The following ZSWIM6 variants were observed in gnomAD, a reference collection of about 807,000 sequenced individuals.
ZSWIM6 encodes the protein zinc finger SWIM-type containing 6.
Under a neutral mutation model 113.2 loss-of-function variants are expected in ZSWIM6, and 9 were observed. The ratio of observed to expected loss-of-function variants is 0.08; its 90% CI spans 0.05 to 0.14. ZSWIM6 has a LOEUF of 0.14. ZSWIM6 is among the 10% of genes least tolerant of loss of function. The pLI is 1.00. For synonymous variants in ZSWIM6, 611 were observed against 606.5 expected, an observed-to-expected ratio of 1.01 and a Z score of -0.11; for missense variants, 1,162 against 1,552.2, an observed-to-expected ratio of 0.75 and a Z score of 4.22.
At chr5:61,431,636 TCGGGAGGC>T (rs1746583665) in intron 1 of ZSWIM6, among the ~76,000 whole-genome samples, 1 of 107,708 alleles carries the variant, frequency 9.3e-6, no homozygotes, top group African/African-American at 4.0e-5. Flanking sequence ...TCCCAGCTAC[TCGGGAGGC>T]TGAGGCAGGA....
In ZSWIM6 at chr5:61,361,837, T is replaced by C. The variant is rs551839908; in HGVS notation, c.676+28889T>C. Reference sequence around the variant, plus strand: ...CTATTATCCTTTCCTCACAGGAAATTTAGTGTGAAATTTGCAAGAAGATCG... The same window carrying C: ...CTATTATCCTTTCCTCACAGGAAATCTAGTGTGAAATTTGCAAGAAGATCG... On this transcript the variant is annotated intron_variant, in intron 1 of 13. Transcript: ENST00000252744. Among the ~76,000 whole-genome samples the C allele has an allele frequency of 2.0e-5, 3 of 152,338 alleles. No homozygotes were observed. The South Asian group carries it at 6.2e-4, about 32-fold the overall frequency.
At chr5:61,452,957 A>G (rs1747116518) in intron 1 of ZSWIM6, among the ~76,000 whole-genome samples, 1 of 152,184 alleles carries the variant, frequency 6.6e-6, no homozygotes, top group African/African-American at 2.4e-5. Context: ...AGGACCCTCA[A>G]TTTGAGTTGT....
At chr5:61,508,237 C>T (rs117005843) in intron 4 of ZSWIM6, among the ~76,000 whole-genome samples, 2 of 151,798 alleles carry the variant, frequency 1.3e-5, no homozygotes, top group African/African-American at 4.8e-5. Context: ...AGTATGTTAG[C>T]GGAATTAAGT....
intron 1 of ZSWIM6, chr5:61,391,412 T>G (rs1010174669): frequency 2.1e-6 from 2 of 966,790 alleles, no homozygotes; most frequent in East Asian, 2.4e-5. Context: ...CGGTACTTCT[T>G]CATGCTGCTG....
intron 9 of ZSWIM6, among the ~76,000 whole-genome samples, chr5:61,532,252 G>T (rs1183978943): frequency 6.6e-6 from 1 of 152,154 alleles, no homozygotes; most frequent in Non-Finnish European, 1.5e-5. Flanking sequence ...GGATTCATTA[G>T]GCACAGATTC....
rs1487309974 is a variant in ZSWIM6, at chr5:61,543,569, A to G, written c.2900A>G (p.His967Arg). The G allele has an allele frequency of 6.4e-7, 1 of 1,551,702 alleles. No individual in the cohort carries two copies. The highest frequency in any genetic ancestry group is 8.7e-7 in the Non-Finnish European group (1 of 1,147,024). ...TCCAACAGCACCATCGTCCGCCTCC[A>G]CCTGGACTGCCACCAGCAGGAAAAG... ...VMSNSTIVRLHLDCHQQEKLA... is the reference protein window; with the variant it reads ...VMSNSTIVRLRLDCHQQEKLA... The change falls in exon 14 of 14, where the codon CAC becomes CGC. Residue 967 changes from histidine (H) to arginine (R), a missense_variant. His to Arg is a conservative substitution (Grantham distance 29). Coordinates refer to ENST00000252744, the MANE Select transcript of ZSWIM6 (RefSeq NM_020928.2). This position sits in a 1 kb window ranked among gnomAD's most constrained non-coding sequence, Gnocchi z 4.3.
At chr5:61,454,109 AT>A (rs1747146917) in intron 1 of ZSWIM6, among the ~76,000 whole-genome samples, 1 of 151,724 alleles carries the variant, frequency 6.6e-6, no homozygotes, top group Non-Finnish European at 1.5e-5. Flanking sequence ...ATAAATGCTT[AT>A]TTTATTCTTT....
At chr5:61,335,244 C>T (rs1222072787) in intron 1 of ZSWIM6, among the ~76,000 whole-genome samples, 1 of 152,226 alleles carries the variant, frequency 6.6e-6, no homozygotes, top group Non-Finnish European at 1.5e-5. Flanking sequence ...AAGAGTTGAC[C>T]ACCACTTCAG....
At chr5:61,468,550 A>G (rs1747489221) in intron 1 of ZSWIM6, among the ~76,000 whole-genome samples, 1 of 152,222 alleles carries the variant, frequency 6.6e-6, no homozygotes, top group Admixed American at 6.5e-5. Flanking sequence ...TCCTAGAGGA[A>G]GATTCTGCAT....
intron 2 of ZSWIM6, among the ~76,000 whole-genome samples, chr5:61,474,632 C>T (rs1278487077): frequency 6.6e-6 from 1 of 152,130 alleles, no homozygotes; most frequent in Non-Finnish European, 1.5e-5. Flanking sequence ...CACTAGTAGC[C>T]ACACTGCAAG....
intron 1 of ZSWIM6, among the ~76,000 whole-genome samples, chr5:61,398,142 C>T (rs2112099695): frequency 6.6e-6 from 1 of 152,252 alleles, no homozygotes; most frequent in African/African-American, 2.4e-5. Context: ...GTCCCCAACC[C>T]CTGGGGCCAT....
At chr5:61,415,041 A>T (rs570146391) in intron 1 of ZSWIM6, among the ~76,000 whole-genome samples, 1 of 152,320 alleles carries the variant, frequency 6.6e-6, no homozygotes, top group Admixed American at 6.5e-5. Context: ...GCTCGAGGAT[A>T]CACAGCCAGC....
chr5:61,407,611 C>T (rs1746070208), intron 1 of ZSWIM6, among the ~76,000 whole-genome samples: 1 of 151,922 alleles, frequency 6.6e-6, no homozygotes, highest in African/African-American at 2.4e-5. Context: ...CACTGCTTTT[C>T]GAAAAACATA....
At chr5:61,341,296 G>A (rs1445170664) in intron 1 of ZSWIM6, among the ~76,000 whole-genome samples, 1 of 152,186 alleles carries the variant, frequency 6.6e-6, no homozygotes, top group Non-Finnish European at 1.5e-5. Context: ...TGCTGGGACA[G>A]GCTCTGGCCA....
intron 4 of ZSWIM6, among the ~76,000 whole-genome samples, chr5:61,510,572 C>T (rs1748757512): frequency 6.6e-6 from 1 of 151,682 alleles, no homozygotes. Context: ...GTTACAGTGC[C>T]ATCTTTTTGC....
chr5:61,383,528 TAGA>T (rs1745527201), intron 1 of ZSWIM6, among the ~76,000 whole-genome samples: 1 of 152,182 alleles, frequency 6.6e-6, no homozygotes, highest in Admixed American at 6.5e-5. Flanking sequence ...CCTACTGATG[TAGA>T]AGAACTTTCT....
intron 1 of ZSWIM6, among the ~76,000 whole-genome samples, chr5:61,458,240 T>C (rs1037133670): frequency 2.0e-5 from 3 of 152,186 alleles, no homozygotes; most frequent in Non-Finnish European, 4.4e-5. Context: ...AAAGTATTTA[T>C]TATAAACCAA....
rs117978463 is a variant in ZSWIM6 at position 61,348,489 on chromosome 5, G to T, written c.676+15541G>T. Among the ~76,000 whole-genome samples, 123 of 152,194 alleles carry T rather than the reference G, an allele frequency of 8.1e-4. 2 individuals carry two copies. The East Asian group carries it at 0.022, about 28-fold the overall frequency. ...TTCCCCCTTCATACTTCCTGTTAAA[G>T]ATAGGAAACATTATAGTTCAGAATG... On this transcript the variant is annotated intron_variant, in intron 1 of 13. Transcript: ENST00000252744.
chr5:61,436,217 A>C (rs2112141355), intron 1 of ZSWIM6, among the ~76,000 whole-genome samples: 1 of 152,138 alleles, frequency 6.6e-6, no homozygotes, highest in Non-Finnish European at 1.5e-5. Context: ...AAAAAAAAAA[A>C]ATGTAGTCAC....
Sources: allele counts gnomAD v4.1 joint callset (sites outside exome capture counted in the v4.1 genomes callset), GRCh38; gene constraint gnomAD v4.1.1; non-coding constraint Gnocchi (gnomAD v3.1); transcripts MANE v1.5; gene names NCBI Gene and HGNC (gene_info 2026-07-23, HGNC 2026-07-21).